The following ROS1 variants were observed in gnomAD, a reference collection of about 807,000 sequenced individuals.
The protein encoded by ROS1 is proto-oncogene tyrosine-protein kinase ROS.
A neutral mutation model predicts 273.5 loss-of-function variants in ROS1; 263 were observed. The ratio of observed to expected loss-of-function variants is 0.96; its 90% CI spans 0.87 to 1.06. ROS1 has a LOEUF of 1.06. Among genes scored for constraint, ROS1 ranks in the 50% least tolerant of loss-of-function variants. ROS1 has a pLI of 0.00. For missense variants in ROS1, 2,833 were observed against 2,751.1 expected, an observed-to-expected ratio of 1.03 and a Z score of -0.67; for synonymous variants, 1,008 against 954.1, an observed-to-expected ratio of 1.06 and a Z score of -1.04.
At chr6:117,337,609 T>G (rs551634842) in intron 31 of ROS1, among the ~76,000 whole-genome samples, 1 of 152,096 alleles carries the variant, frequency 6.6e-6, no homozygotes, top group Non-Finnish European at 1.5e-5. Context: ...ACGAGGAAGA[T>G]TCAGAGCTAT....
chr6:117,295,815 G>T (rs1322783828), intron 43 of ROS1, among the ~76,000 whole-genome samples: 1 of 152,156 alleles, frequency 6.6e-6, no homozygotes, highest in East Asian at 1.9e-4. Flanking sequence ...AGTTAAAATG[G>T]CTTACATTGA....
chr6:117,396,775 C>T, intron 8 of ROS1, 140 bp downstream of exon 8: 1 of 656,508 alleles, frequency 1.5e-6, no homozygotes, highest in South Asian at 1.9e-5. Context: ...AGGAAAACCA[C>T]AATGACTTCA....
chr6:117,362,783 A>G lies in ROS1; in HGVS notation c.3186T>C (p.Phe1062=). ...CCNKNEVVVE[F]RWNKPKHENG... is the part of the protein sequence containing the mutation. ...TTTCATGCTTAGGTTTGTTCCACCT[A>G]AATTCCACCACAACTTCATTCTTGT... The change falls in exon 22 of 44, where the codon TTT becomes TTC. Residue 1062 remains phenylalanine, a synonymous_variant. Transcript: ENST00000368507. 1 of 1,613,770 alleles carries G rather than the reference A, an allele frequency of 6.2e-7. No individual in the cohort carries two copies. Among genetic ancestry groups the G allele is most frequent in the Non-Finnish European group, 8.5e-7 (1 of 1,179,750 alleles).
intron 35 of ROS1, among the ~76,000 whole-genome samples, chr6:117,323,894 C>T (rs575798596): frequency 5.9e-5 from 9 of 152,156 alleles, no homozygotes; most frequent in Admixed American, 1.3e-4. Flanking sequence ...CCAAACCAGC[C>T]TGTCTGCTTA....
chr6:117,335,071 A>G (rs1248554881), intron 32 of ROS1, among the ~76,000 whole-genome samples: 2 of 152,216 alleles, frequency 1.3e-5, no homozygotes, highest in African/African-American at 4.8e-5. Flanking sequence ...AGAATGGGAG[A>G]AAAATTTTGC....
Position 117,403,338 on chromosome 6 carries a change from A to G in ROS1, c.466-61T>C. On this transcript the variant is annotated intron_variant, in intron 6 of 43. Transcript: ENST00000368507. The stretch of plus-strand genomic sequence containing the variant: ...AATCAGCACCCCACATTGGGACTAA[A>G]AAGCATAGATTAATTTGTAGAAGAT... The G allele has an allele frequency of 2.0e-6, 3 of 1,495,374 alleles. No homozygotes were observed. In the South Asian group the frequency reaches 3.7e-5, roughly 18 times the overall value. The allele number at this position is 1,495,374 out of a possible 1,614,324, so 92.6% of individuals were successfully genotyped here. A position where few individuals can be genotyped will look rare whatever the true frequency, so the allele number is the denominator to read the frequency against.
chr6:117,336,205 G>T (rs557166182), intron 32 of ROS1, among the ~76,000 whole-genome samples: 1 of 151,914 alleles, frequency 6.6e-6, no homozygotes, highest in Non-Finnish European at 1.5e-5. Context: ...TGTGCAGGAC[G>T]TGAAGGTTTG....
chr6:117,421,570 T>A (rs1002565711), intron 1 of ROS1, among the ~76,000 whole-genome samples: 1 of 152,078 alleles, frequency 6.6e-6, no homozygotes, highest in African/African-American at 2.4e-5. Context: ...TCCAGCTCCA[T>A]CCAAGTTGCT....
At chr6:117,375,550 C>T (rs1296918882) in intron 18 of ROS1, among the ~76,000 whole-genome samples, 1 of 152,146 alleles carries the variant, frequency 6.6e-6, no homozygotes, top group Non-Finnish European at 1.5e-5. Context: ...TAGAACCTAC[C>T]TGCACATGTA....
chr6:117,349,269 A>G (rs755526776), intron 27 of ROS1, among the ~76,000 whole-genome samples: 1 of 152,002 alleles, frequency 6.6e-6, no homozygotes, highest in African/African-American at 2.4e-5. Flanking sequence ...TTAGAGATAT[A>G]TGCATTAAGG....
chr6:117,344,379 CTT>C, intron 27 of ROS1, 117 bp from the exon 28 acceptor site: 1 of 686,034 alleles, frequency 1.5e-6, no homozygotes, highest in Non-Finnish European at 2.4e-6. Flanking sequence ...GCATACATAA[CTT>C]TTGCTTGAAA....
chr6:117,387,926 G>A lies in ROS1; in HGVS notation c.1853C>T (p.Thr618Ile), dbSNP rs1562349493. The A allele has an allele frequency of 6.2e-7, 1 of 1,614,180 alleles. No individual in the cohort carries two copies. Among genetic ancestry groups the A allele is most frequent in the Non-Finnish European group, 8.5e-7 (1 of 1,180,034 alleles). The change falls in exon 14 of 44, where the codon ACT becomes ATT. Residue 618 changes from threonine (T) to isoleucine (I), a missense_variant. Coordinates refer to ENST00000368507, the MANE Select transcript of ROS1 (RefSeq NM_001378902.1). ...KVSTQDPPEV[T>I]HIFLNISGTM... ...TCCACTTATGTTCAAGAAAATATGA[G>A]TGACTTCAGGAGGGTCTTGGGTGGA... is the stretch of plus-strand genomic sequence containing the variant.
intron 31 of ROS1, among the ~76,000 whole-genome samples, chr6:117,339,823 A>C (rs1254707472): frequency 1.3e-5 from 2 of 152,082 alleles, no homozygotes; most frequent in African/African-American, 4.8e-5. Flanking sequence ...CCCAAACTTG[A>C]AAGAGTGGGA....
intron 12 of ROS1, among the ~76,000 whole-genome samples, chr6:117,390,362 A>G (rs1439374559): frequency 1.3e-5 from 2 of 152,144 alleles, no homozygotes; most frequent in African/African-American, 4.8e-5. Context: ...CCTGGGCTCA[A>G]GTGATCTGCA....
intron 18 of ROS1, among the ~76,000 whole-genome samples, chr6:117,368,989 T>C (rs879086809): frequency 6.6e-6 from 1 of 152,198 alleles, no homozygotes; most frequent in Non-Finnish European, 1.5e-5. Context: ...TTACTTTTTT[T>C]AATGAGCCAA....
chr6:117,307,941 T>C (rs959641088), intron 42 of ROS1, among the ~76,000 whole-genome samples: 14 of 152,148 alleles, frequency 9.2e-5, no homozygotes, highest in Admixed American at 3.3e-4. Flanking sequence ...CTGCTCTCTG[T>C]GGGTGTCTTT....
intron 43 of ROS1, among the ~76,000 whole-genome samples, chr6:117,290,296 C>A (rs1773745624): frequency 6.6e-6 from 1 of 152,134 alleles, no homozygotes; most frequent in Non-Finnish European, 1.5e-5. Flanking sequence ...TAGCTAACTA[C>A]TTTATTGGTT....
At position 117,288,094 on chromosome 6, in the gene ROS1, C is replaced by T. The variant is rs1424504765; in HGVS notation, c.*398G>A. Among the ~76,000 whole-genome samples the T allele has an allele frequency of 6.6e-6, 1 of 152,118 alleles. No individual in the cohort carries two copies. Among genetic ancestry groups the T allele is most frequent in the Non-Finnish European group, 1.5e-5 (1 of 68,022 alleles). ...TCAGTTGACCCCCCTGAGCCTACTC[C>T]TTAGCCTCTTCTTTATATCGCTGAA... is the stretch of plus-strand genomic sequence containing the variant. On this transcript the variant is annotated 3_prime_UTR_variant, in exon 44 of 44. Coordinates refer to ENST00000368507, the MANE Select transcript of ROS1 (RefSeq NM_001378902.1).
intron 33 of ROS1, 62 bp from the exon 34 acceptor site, chr6:117,326,476 C>A (rs2128582578): frequency 9.5e-7 from 1 of 1,047,286 alleles, no homozygotes; most frequent in South Asian, 1.9e-5. Context: ...TCTAGTTGTT[C>A]ATAGATCTTC....
Sources: gnomAD v4.1 joint callset for allele counts (sites outside exome capture counted in the v4.1 genomes callset) on GRCh38, gnomAD v4.1.1 for gene constraint, MANE v1.5 for transcripts, NCBI Gene and HGNC (gene_info 2026-07-23, HGNC 2026-07-21) for gene names.